TMPRSS4: variants seen among roughly 807,000 people sequenced by gnomAD.
TMPRSS4 encodes the protein transmembrane protease serine 4.
Under a neutral mutation model 56.4 loss-of-function variants are expected in TMPRSS4, and 45 were observed. The observed-to-expected ratio is 0.80, with a 90% CI of 0.63 to 1.02. The LOEUF is 1.02. Among genes scored for constraint, TMPRSS4 ranks in the 50% least tolerant of loss-of-function variants. TMPRSS4 has a pLI of 0.00. For synonymous variants in TMPRSS4, 205 were observed against 211.0 expected (o/e 0.97, Z 0.25); for missense variants, 546 against 556.7 (o/e 0.98, Z 0.19).
At chr11:118,099,457 G>GAA (rs746950946) in intron 3 of TMPRSS4, among the ~76,000 whole-genome samples, 12 of 25,330 alleles carry the variant, frequency 4.7e-4, no homozygotes, top group South Asian at 4.3e-3. Flanking sequence ...GAGAGAAAGA[G>GAA]AGAAAGAAAG....
chr11:118,113,908 C>T (rs596134), intron 9 of TMPRSS4, among the ~76,000 whole-genome samples: 106,041 of 152,100 alleles, frequency 0.7, 37,644 homozygotes, highest in East Asian at 0.95. Context: ...TGTGCTTATA[C>T]TGAAATGTAT....
intron 2 of TMPRSS4, among the ~76,000 whole-genome samples, chr11:118,098,498 G>A (rs1048286964): frequency 2.0e-5 from 3 of 152,230 alleles, no homozygotes; most frequent in Admixed American, 2.0e-4. Context: ...GATTGAGGAT[G>A]CATTGATTCA....
At chr11:118,115,041 A>G in intron 10 of TMPRSS4, 97 bp from the exon 11 acceptor site, 1 of 1,553,688 alleles carries the variant, frequency 6.4e-7, no homozygotes, top group Non-Finnish European at 8.7e-7. Context: ...TGGAGGACCA[A>G]GCACCAAGGC....
intron 1 of TMPRSS4, among the ~76,000 whole-genome samples, chr11:118,093,175 G>A (rs1010040941): frequency 6.6e-6 from 1 of 152,204 alleles, no homozygotes; most frequent in African/African-American, 2.4e-5. Flanking sequence ...GGGAGGGAAC[G>A]AAAGAGCTCC....
rs145554958 is a variant in TMPRSS4 at position 118,099,085 on chromosome 11, T to A, written c.144T>A (p.Ile48=). 1.2e-6 allele frequency: 2 copies of A among 1,613,866 alleles called. No homozygotes were observed. The change falls in exon 3 of 13, where the codon ATT becomes ATA. Residue 48 remains isoleucine, a synonymous_variant. Coordinates refer to ENST00000437212, the MANE Select transcript of TMPRSS4 (RefSeq NM_019894.4). ...TACTGAGCCTGGCGAGTATCATCATTGTGGTTGTCCTCAGTAAGTGACAGC... is the reference window on the plus strand; with the variant it reads ...TACTGAGCCTGGCGAGTATCATCATAGTGGTTGTCCTCAGTAAGTGACAGC... ...IALLSLASII[I]VVVLIKVILD...
intron 4 of TMPRSS4, among the ~76,000 whole-genome samples, chr11:118,103,935 C>T (rs1249468163): frequency 6.6e-6 from 1 of 152,188 alleles, no homozygotes; most frequent in Non-Finnish European, 1.5e-5. Context: ...TCAGCCACTT[C>T]GCCAGCTATT....
At chr11:118,101,830 C>T (rs1368653944) in intron 3 of TMPRSS4, among the ~76,000 whole-genome samples, 1 of 152,198 alleles carries the variant, frequency 6.6e-6, no homozygotes, top group Non-Finnish European at 1.5e-5. Flanking sequence ...CACTCAACAT[C>T]TTTCCATCAT....
intron 2 of TMPRSS4, among the ~76,000 whole-genome samples, chr11:118,096,308 C>A (rs1358388199): frequency 6.6e-6 from 1 of 152,218 alleles, no homozygotes; most frequent in Non-Finnish European, 1.5e-5. Context: ...TTAAAACATT[C>A]TTTTGGGGAA....
chr11:118,109,691 A>G (rs1947178275), intron 7 of TMPRSS4, among the ~76,000 whole-genome samples: 1 of 152,246 alleles, frequency 6.6e-6, no homozygotes, highest in Non-Finnish European at 1.5e-5. Flanking sequence ...CAAGCTTCAT[A>G]GAGAACTGAG....
intron 4 of TMPRSS4, among the ~76,000 whole-genome samples, chr11:118,103,558 T>C (rs1459221561): frequency 6.6e-6 from 1 of 152,178 alleles, no homozygotes; most frequent in African/African-American, 2.4e-5. Context: ...ATTTTTATAT[T>C]TTTAGTAGAG....
intron 3 of TMPRSS4, among the ~76,000 whole-genome samples, chr11:118,101,336 C>T (rs1292184213): frequency 1.3e-5 from 2 of 152,182 alleles, no homozygotes; most frequent in African/African-American, 2.4e-5. Context: ...AACGCCACTA[C>T]TCTTAAGACC....
At chr11:118,096,345 G>C (rs1394409050) in intron 2 of TMPRSS4, among the ~76,000 whole-genome samples, 1 of 152,202 alleles carries the variant, frequency 6.6e-6, no homozygotes, top group Non-Finnish European at 1.5e-5. Flanking sequence ...GCTTTCCTTT[G>C]TTAACAGATT....
intron 3 of TMPRSS4, among the ~76,000 whole-genome samples, chr11:118,102,001 T>C (rs1247649551): frequency 6.6e-6 from 1 of 152,186 alleles, no homozygotes. Context: ...TATTTTTTTC[T>C]TCAAATTTTA....
At chr11:118,085,962 A>G (rs1804902536) in intron 1 of TMPRSS4, among the ~76,000 whole-genome samples, 1 of 152,242 alleles carries the variant, frequency 6.6e-6, no homozygotes, top group Non-Finnish European at 1.5e-5. Flanking sequence ...CCCCTAGGAC[A>G]AAGAGAAGGA....
chr11:118,111,977 G>T, intron 8 of TMPRSS4, 77 bp downstream of exon 8: 1 of 1,547,726 alleles, frequency 6.5e-7, no homozygotes, highest in South Asian at 1.2e-5. Flanking sequence ...CCTGTCTCCT[G>T]GCACCGTCCT....
intron 8 of TMPRSS4, among the ~76,000 whole-genome samples, chr11:118,112,781 T>C (rs533232896): frequency 3.0e-4 from 46 of 151,668 alleles, no homozygotes; most frequent in African/African-American, 1.1e-3. Context: ...ACCCCACCGC[T>C]GTCTTCAAGG....
At chr11:118,106,673 CG>C (rs1565433362) in intron 5 of TMPRSS4, 5 of 152,012 alleles carry the variant, frequency 3.3e-5, no homozygotes, top group Non-Finnish European at 1.5e-5. Flanking sequence ...TTGTAGAGAC[CG>C]AGTTTCACCA....
intron 3 of TMPRSS4, among the ~76,000 whole-genome samples, chr11:118,100,500 AC>A (rs1389668497): frequency 6.6e-6 from 1 of 151,890 alleles, no homozygotes; most frequent in African/African-American, 2.4e-5. Context: ...CTGCGACAGA[AC>A]CCCGGTCCCC....
chr11:118,090,053 C>T (rs1017360798), intron 1 of TMPRSS4, among the ~76,000 whole-genome samples: 1 of 152,118 alleles, frequency 6.6e-6, no homozygotes, highest in Non-Finnish European at 1.5e-5. Context: ...CCATGTTGGC[C>T]AGGCTGGTCT....
Sources: gnomAD v4.1 joint callset for allele counts (sites outside exome capture counted in the v4.1 genomes callset) on GRCh38, gnomAD v4.1.1 for gene constraint, MANE v1.5 for transcripts, NCBI Gene and HGNC (gene_info 2026-07-23, HGNC 2026-07-21) for gene names.